Variants in SLC4A10 observed in about 807,000 individuals in gnomAD.
SLC4A10 encodes solute carrier family 4 member 10.
In SLC4A10, 42 loss-of-function variants were observed where a neutral mutation model predicts 137.7. That is an observed-to-expected ratio of 0.30 (90% CI 0.24 to 0.39). The LOEUF is 0.39. SLC4A10 is among the 10% of genes least tolerant of loss of function. The pLI is 1.00. For synonymous variants in SLC4A10, 474 were observed against 464.1 expected, an observed-to-expected ratio of 1.02 and a Z score of -0.27; for missense variants, 925 against 1,355.0, an observed-to-expected ratio of 0.68 and a Z score of 4.98.
intron 26 of SLC4A10, among the ~76,000 whole-genome samples, chr2:161,982,652 G>A (rs1332774303): frequency 6.6e-6 from 1 of 152,172 alleles, no homozygotes; most frequent in African/African-American, 2.4e-5. Context: ...GGAGAGCAGC[G>A]TGCATGGTAA....
At position 161,904,782 on chromosome 2, in the gene SLC4A10, A is replaced by G; in HGVS notation, c.1624A>G (p.Ile542Val). Residue 542 changes from isoleucine (I) to valine (V), a missense_variant, in exon 14 of 27, where the codon ATT (isoleucine) becomes GTT (valine). Physicochemically the swap from Ile to Val is conservative, Grantham distance 29. Around this residue, in one of 11 missense-constraint regions of SLC4A10, gnomAD observed 61 missense variants for 168.0 expected, o/e 0.36. Coordinates refer to ENST00000446997, the MANE Select transcript of SLC4A10 (RefSeq NM_001178015.2). ...GEATEGRISA[I>V]ESLFGASMTG... ...CATTTATATCTCTACACAGAGTGCA[A>G]TTGAATCTCTCTTTGGAGCATCCAT... The G allele has an allele frequency of 1.2e-6, 2 of 1,613,964 alleles. No individual in the cohort carries two copies. Among genetic ancestry groups the G allele is most frequent in the Non-Finnish European group, 1.7e-6 (2 of 1,179,860 alleles).
intron 10 of SLC4A10, among the ~76,000 whole-genome samples, chr2:161,890,210 A>G (rs1204192990): frequency 6.6e-6 from 1 of 152,108 alleles, no homozygotes; most frequent in Non-Finnish European, 1.5e-5. Context: ...ACTTCCAATT[A>G]TGTGGTCAAT....
intron 23 of SLC4A10, 66 bp downstream of exon 23, chr2:161,965,239 CTAAAT>C: frequency 6.7e-7 from 1 of 1,485,168 alleles, no homozygotes; most frequent in African/African-American, 1.4e-5. Context: ...CTTTGCAAAA[CTAAAT>C]TATTGTTTTT....
At chr2:161,844,402 T>C (rs906129950) in intron 4 of SLC4A10, among the ~76,000 whole-genome samples, 4 of 152,168 alleles carry the variant, frequency 2.6e-5, no homozygotes, top group African/African-American at 9.6e-5. Context: ...TTTGGATGTA[T>C]ATCATTTCCC....
chr2:161,772,147 G>GA (rs1188380545), intron 2 of SLC4A10, among the ~76,000 whole-genome samples: 4 of 151,762 alleles, frequency 2.6e-5, no homozygotes, highest in Admixed American at 1.3e-4. Flanking sequence ...TACTGGGGGG[G>GA]CCTATTGATT....
In SLC4A10 at chr2:161,946,069, T is replaced by A. The variant is rs191559341; in HGVS notation, c.2104-1497T>A. Among the ~76,000 whole-genome samples the A allele has an allele frequency of 2.0e-3, 305 of 152,148 alleles. 3 individuals are homozygous for A. The highest frequency in any genetic ancestry group is 6.7e-3 in the African/African-American group (279 of 41,560). On this transcript the variant is annotated intron_variant, in intron 16 of 26. Transcript: ENST00000446997. The stretch of plus-strand genomic sequence containing the variant: ...AACACAAGGATTCATTTTTGCCACC[T>A]TATCTATTTTTAAAGCATTTTGAAA...
intron 1 of SLC4A10, among the ~76,000 whole-genome samples, chr2:161,750,559 C>T (rs968920777): frequency 2.6e-5 from 4 of 151,704 alleles, no homozygotes; most frequent in African/African-American, 9.7e-5. Flanking sequence ...ATTCCTGCCG[C>T]TAATTTCTGG....
chr2:161,868,102 ATAAATT>A (rs2060872685), intron 6 of SLC4A10, among the ~76,000 whole-genome samples: 1 of 151,946 alleles, frequency 6.6e-6, no homozygotes. Context: ...TTGGCCAACT[ATAAATT>A]TAAAAGTTGC....
intron 2 of SLC4A10, among the ~76,000 whole-genome samples, chr2:161,781,997 C>T (rs1297071539): frequency 6.6e-6 from 1 of 152,084 alleles, no homozygotes; most frequent in Non-Finnish European, 1.5e-5. Context: ...AAAGGACTGG[C>T]TTCTGTCTTC....
At chr2:161,633,978 G>T (rs904225304) in intron 1 of SLC4A10, among the ~76,000 whole-genome samples, 1 of 151,416 alleles carries the variant, frequency 6.6e-6, no homozygotes, top group African/African-American at 2.4e-5. Flanking sequence ...CATCCACCTT[G>T]CCTTAACTTT....
chr2:161,876,143 G>T (rs192929208), intron 8 of SLC4A10, among the ~76,000 whole-genome samples: 3 of 152,114 alleles, frequency 2.0e-5, no homozygotes, highest in African/African-American at 7.2e-5. Context: ...GGTCTGGGCA[G>T]CCCAGAAGCA....
In SLC4A10 at chr2:161,643,780, C is replaced by T. The variant is rs540107828; in HGVS notation, c.48+19214C>T. On this transcript the variant is annotated intron_variant, in intron 1 of 26. Transcript: ENST00000446997. ...TTTGCATTCTTTTCTATCATGAAGT[C>T]ATTTAAGAAAAACTTCTATTCATTG... Among the ~76,000 whole-genome samples, 14 of 152,188 alleles carry T rather than the reference C, an allele frequency of 9.2e-5. No homozygotes were observed. In the South Asian group the frequency reaches 2.9e-3, roughly 32 times the overall value.
chr2:161,979,232 G>A (rs978083888), intron 26 of SLC4A10, among the ~76,000 whole-genome samples: 10 of 152,142 alleles, frequency 6.6e-5, no homozygotes, highest in Admixed American at 1.3e-4. Context: ...GTCTTGTGAC[G>A]TGATATTTTA....
chr2:161,965,097 C>T lies in SLC4A10; in HGVS notation c.3083C>T (p.Thr1028Met), dbSNP rs1213730217. 3.7e-6 allele frequency: 6 copies of T among 1,612,018 alleles called. No homozygotes were observed. Among genetic ancestry groups the T allele is most frequent in the South Asian group, 1.1e-5 (1 of 90,972 alleles). The change falls in exon 23 of 27, where the codon ACG (threonine) becomes ATG (methionine). Residue 1028 changes from threonine (T) to methionine (M), a missense_variant. This residue lies in a region of SLC4A10 where 115 missense variants were observed against 237.5 expected (regional missense o/e 0.48). Coordinates refer to ENST00000446997, the MANE Select transcript of SLC4A10 (RefSeq NM_001178015.2). ...FVRKLMDLLF[T>M]KRELSWLDDL... is the part of the protein sequence containing the mutation. Reference sequence around the variant, plus strand: ...AGAAAGTTGATGGACTTGTTGTTCACGAAGCGGGAACTCAGCTGGTTGGAT... The same window carrying T: ...AGAAAGTTGATGGACTTGTTGTTCATGAAGCGGGAACTCAGCTGGTTGGAT...
intron 1 of SLC4A10, among the ~76,000 whole-genome samples, chr2:161,716,326 T>C (rs1265345611): frequency 6.6e-6 from 1 of 152,152 alleles, no homozygotes; most frequent in Non-Finnish European, 1.5e-5. Context: ...AGAAGTTCTT[T>C]AGTTTAATTA....
intron 2 of SLC4A10, among the ~76,000 whole-genome samples, chr2:161,788,341 G>GT (rs1414973230): frequency 1.3e-5 from 2 of 151,940 alleles, no homozygotes; most frequent in Non-Finnish European, 2.9e-5. Context: ...CTGACAGTAG[G>GT]TTTTTTATTT....
intron 2 of SLC4A10, among the ~76,000 whole-genome samples, chr2:161,772,120 T>G (rs1236674197): frequency 6.6e-6 from 1 of 151,848 alleles, no homozygotes; most frequent in Non-Finnish European, 1.5e-5. Context: ...CATACTCAGA[T>G]CTAAGAAGGT....
At chr2:161,965,790 C>A (rs564006909) in intron 23 of SLC4A10, among the ~76,000 whole-genome samples, 1 of 151,930 alleles carries the variant, frequency 6.6e-6, no homozygotes, top group African/African-American at 2.4e-5. Flanking sequence ...TTATAAGTTT[C>A]GTGGCATATT....
intron 6 of SLC4A10, among the ~76,000 whole-genome samples, chr2:161,865,717 TTTACTGCTAAGGTTC>T (rs1378049950): frequency 6.6e-6 from 1 of 151,990 alleles, no homozygotes; most frequent in African/African-American, 2.4e-5. Flanking sequence ...ACAAAAGACC[TTTACTGCTAAGGTTC>T]TTAATCTACT....
Sources: allele counts gnomAD v4.1 joint callset (sites outside exome capture counted in the v4.1 genomes callset), GRCh38; gene constraint gnomAD v4.1.1; regional missense constraint gnomAD v4.1.1; transcripts MANE v1.5; gene names NCBI Gene and HGNC (gene_info 2026-07-23, HGNC 2026-07-21).